TRAPPC6B: variants seen among roughly 807,000 people sequenced by gnomAD.
TRAPPC6B encodes the protein trafficking protein particle complex subunit 6B.
In TRAPPC6B, 27 loss-of-function variants were observed where a neutral mutation model predicts 24.7. The ratio of observed to expected loss-of-function variants is 1.09; its 90% confidence interval spans 0.81 to 1.51. The LOEUF (loss-of-function observed/expected upper bound fraction) is 1.51. Ranked by LOEUF, TRAPPC6B falls within the 40% of genes most tolerant of loss-of-function variation. TRAPPC6B has a pLI of 0.00. For synonymous variants in TRAPPC6B, 80 were observed against 66.6 expected, an observed-to-expected ratio of 1.20 and a Z score of -0.98; for missense variants, 212 against 190.8, an observed-to-expected ratio of 1.11 and a Z score of -0.66.
intron 1 of TRAPPC6B, among the ~76,000 whole-genome samples, chr14:39,160,650 AAGAGAG>A (rs1165981734): frequency 6.6e-6 from 1 of 151,424 alleles, no homozygotes; most frequent in Non-Finnish European, 1.5e-5. Flanking sequence ...GGAAGGGAGA[AAGAGAG>A]AGAGAAAGAG....
At chr14:39,161,204 C>T (rs2053054929) in intron 1 of TRAPPC6B, among the ~76,000 whole-genome samples, 5 of 152,150 alleles carry the variant, frequency 3.3e-5, no homozygotes, top group Admixed American at 2.0e-4. Context: ...CTTGAAAAGG[C>T]CCACATTCTA....
chr14:39,150,260 A>G lies in TRAPPC6B; in HGVS notation c.*90T>C. ...CATGCTTACTCCTGTACAAACATCG[A>G]ACAATGTAATTAAATCATCACTACT... On this transcript the variant is annotated 3_prime_UTR_variant, in exon 6 of 6. Transcript: ENST00000330149. 1 of 1,123,002 alleles carries G rather than the reference A, an allele frequency of 8.9e-7. No homozygotes were observed. Among genetic ancestry groups the G allele is most frequent in the Non-Finnish European group, 1.3e-6 (1 of 777,834 alleles). The allele number at this position is 1,123,002 out of a possible 1,614,324, so 69.6% of individuals were successfully genotyped here. A position where few individuals can be genotyped will look rare whatever the true frequency, so the allele number is the denominator to read the frequency against.
intron 1 of TRAPPC6B, among the ~76,000 whole-genome samples, chr14:39,169,583 G>T (rs1340953617): frequency 6.6e-6 from 1 of 152,166 alleles, no homozygotes; most frequent in Non-Finnish European, 1.5e-5. Context: ...GTCTCAAGTT[G>T]TGTGGAGTTG....
chr14:39,168,443 T>C (rs1376255432), intron 1 of TRAPPC6B, among the ~76,000 whole-genome samples: 1 of 152,166 alleles, frequency 6.6e-6, no homozygotes, highest in Non-Finnish European at 1.5e-5. Context: ...ATCTCTATTA[T>C]AGATGGGTCA....
intron 1 of TRAPPC6B, among the ~76,000 whole-genome samples, chr14:39,164,105 G>C (rs2053084362): frequency 7.0e-6 from 1 of 143,390 alleles, no homozygotes; most frequent in African/African-American, 3.0e-5. Flanking sequence ...TTTAGCTATA[G>C]CTTTCCAACT....
intron 1 of TRAPPC6B, among the ~76,000 whole-genome samples, chr14:39,169,362 T>A (rs184260229): frequency 1.3e-5 from 2 of 152,116 alleles, no homozygotes; most frequent in Admixed American, 6.6e-5. Context: ...CTACATACTA[T>A]CACATTTCGG....
At chr14:39,157,551 C>T (rs1007138017) in intron 3 of TRAPPC6B, 3 of 397,608 alleles carry the variant, frequency 7.5e-6, no homozygotes, top group African/African-American at 2.1e-5. Flanking sequence ...TGGATCCCAT[C>T]GAGGTGGCTG....
At chr14:39,167,987 G>A (rs769597756) in intron 1 of TRAPPC6B, among the ~76,000 whole-genome samples, 1 of 152,186 alleles carries the variant, frequency 6.6e-6, no homozygotes, top group Non-Finnish European at 1.5e-5. Flanking sequence ...GCCAAGGCGG[G>A]CAGATCACCT....
At position 39,170,100 on chromosome 14, in the gene TRAPPC6B, T is replaced by C. The variant is rs771858479; in HGVS notation, c.-5A>G. On this transcript the variant is annotated 5_prime_UTR_variant, in exon 1 of 6. Coordinates refer to ENST00000330149, the MANE Select transcript of TRAPPC6B (RefSeq NM_001079537.2). Reference sequence around the variant, plus strand: ...AAACAACGCCTCATCCGCCATTTCCTGCTAATTCTTCCAAGCTTCGAGTTT... The same window carrying C: ...AAACAACGCCTCATCCGCCATTTCCCGCTAATTCTTCCAAGCTTCGAGTTT... 4.3e-6 allele frequency: 7 copies of C among 1,614,018 alleles called. No homozygotes were observed. The Middle Eastern group carries it at 6.6e-4, about 152-fold the overall frequency.
intron 5 of TRAPPC6B, among the ~76,000 whole-genome samples, chr14:39,151,484 TAA>T (rs1328981837): frequency 2.0e-5 from 3 of 151,858 alleles, no homozygotes; most frequent in Non-Finnish European, 4.4e-5. Context: ...AGAATATCTT[TAA>T]AAAAGTTACA....
chr14:39,165,560 T>C (rs1216069964), intron 1 of TRAPPC6B, among the ~76,000 whole-genome samples: 1 of 152,166 alleles, frequency 6.6e-6, no homozygotes, highest in East Asian at 1.9e-4. Context: ...CGTAGGAGGC[T>C]GAGGCAGGAG....
At chr14:39,165,992 C>T (rs1279780009) in intron 1 of TRAPPC6B, among the ~76,000 whole-genome samples, 2 of 152,104 alleles carry the variant, frequency 1.3e-5, no homozygotes, top group East Asian at 1.9e-4. Context: ...TTAGTAGAGA[C>T]GGAGTTTCAC....
chr14:39,165,993 G>A (rs1196048675), intron 1 of TRAPPC6B, among the ~76,000 whole-genome samples: 5 of 152,102 alleles, frequency 3.3e-5, no homozygotes, highest in Non-Finnish European at 5.9e-5. Flanking sequence ...TAGTAGAGAC[G>A]GAGTTTCACC....
intron 4 of TRAPPC6B, among the ~76,000 whole-genome samples, 198 bp downstream of exon 4, chr14:39,154,013 T>G (rs1771523316): frequency 6.6e-6 from 1 of 152,224 alleles, no homozygotes; most frequent in Non-Finnish European, 1.5e-5. Context: ...CCAGTGTTTC[T>G]TTAATTGGTC....
intron 1 of TRAPPC6B, among the ~76,000 whole-genome samples, chr14:39,162,356 T>C (rs2053068962): frequency 6.6e-6 from 1 of 151,474 alleles, no homozygotes; most frequent in African/African-American, 2.4e-5. Flanking sequence ...GGGATCTCAC[T>C]CTGTTACCCA....
At chr14:39,157,123 A>AAAAGAAAG (rs71435611) in intron 3 of TRAPPC6B, 3 of 129,886 alleles carry the variant, frequency 2.3e-5, no homozygotes, top group Non-Finnish European at 3.2e-5. Context: ...AAAAAAAAAA[A>AAAAGAAAG]AAAGAAAGAA....
intron 1 of TRAPPC6B, among the ~76,000 whole-genome samples, chr14:39,168,620 C>G (rs2053132910): frequency 4.6e-5 from 7 of 151,942 alleles, no homozygotes; most frequent in Admixed American, 4.6e-4. Context: ...TTTTTTTCTT[C>G]TCCTTTATTT....
intron 3 of TRAPPC6B, among the ~76,000 whole-genome samples, chr14:39,154,563 G>A (rs1224236918): frequency 6.6e-6 from 1 of 151,984 alleles, no homozygotes. Context: ...GGGACTACAG[G>A]CGTGCATCAC....
Position 39,148,720 on chromosome 14 carries a change from T to G in TRAPPC6B, c.*1630A>C, listed in dbSNP as rs1343673830. ...TCCTAAATTTTTTCAAAATTAAAATTTTTTCCCCAAAACATGTGAGAATTA... is the reference window on the plus strand; with the variant it reads ...TCCTAAATTTTTTCAAAATTAAAATGTTTTCCCCAAAACATGTGAGAATTA... On this transcript the variant is annotated 3_prime_UTR_variant, in exon 6 of 6. Coordinates refer to ENST00000330149, the MANE Select transcript of TRAPPC6B (RefSeq NM_001079537.2). 1 of 398,458 alleles carries G rather than the reference T, an allele frequency of 2.5e-6. No individual in the cohort carries two copies. Among genetic ancestry groups the G allele is most frequent in the East Asian group, 3.6e-5 (1 of 28,038 alleles). The allele number at this position is 398,458 out of a possible 1,614,324, so 24.7% of individuals were successfully genotyped here.
Sources: gnomAD v4.1 joint callset for allele counts (sites outside exome capture counted in the v4.1 genomes callset) on GRCh38, gnomAD v4.1.1 for gene constraint, MANE v1.5 for transcripts, NCBI Gene and HGNC (gene_info 2026-07-23, HGNC 2026-07-21) for gene names.